The following ACOX3 variants were observed in gnomAD, a reference collection of about 807,000 sequenced individuals.
ACOX3 encodes the protein acyl-CoA oxidase 3, pristanoyl.
Under a neutral mutation model 81.5 loss-of-function variants are expected in ACOX3, and 73 were observed. The ratio of observed to expected loss-of-function variants is 0.90; its 90% CI spans 0.74 to 1.09. The LOEUF (loss-of-function observed/expected upper bound fraction) is 1.09. Ranked by LOEUF, ACOX3 falls within the 50% of genes least tolerant of loss-of-function variation. ACOX3 has a pLI of 0.00. For synonymous variants in ACOX3, 387 were observed against 375.1 expected, an observed-to-expected ratio of 1.03 and a Z score of -0.37; for missense variants, 947 against 928.0, an observed-to-expected ratio of 1.02 and a Z score of -0.27.
At chr4:8,410,975 C>T (rs1457359614) in intron 5 of ACOX3, among the ~76,000 whole-genome samples, 1 of 152,238 alleles carries the variant, frequency 6.6e-6, no homozygotes. Flanking sequence ...GACAGATCCC[C>T]AAGGAACACT....
At chr4:8,424,996 A>G (rs1723319643) in intron 1 of ACOX3, among the ~76,000 whole-genome samples, 2 of 152,226 alleles carry the variant, frequency 1.3e-5, no homozygotes. Context: ...AGGAGAAGGA[A>G]AAAGGGTAAA....
intron 7 of ACOX3, among the ~76,000 whole-genome samples, chr4:8,401,291 G>A (rs1351363014): frequency 6.6e-6 from 1 of 152,166 alleles, no homozygotes; most frequent in African/African-American, 2.4e-5. Context: ...CCTGCCTACA[G>A]AATAGTCTTT....
chr4:8,410,795 C>G (rs116501470), intron 5 of ACOX3, among the ~76,000 whole-genome samples: 3 of 152,188 alleles, frequency 2.0e-5, no homozygotes, highest in East Asian at 3.9e-4. Flanking sequence ...ACTGCTGCCC[C>G]CTTGCTGTCT....
downstream of ACOX3, among the ~76,000 whole-genome samples, chr4:8,365,113 C>T (rs899490): frequency 0.24 from 37,223 of 152,180 alleles, 5,163 homozygotes; most frequent in East Asian, 0.5. Context: ...ACAGCCCACG[C>T]AGGCCCAACT....
chr4:8,438,260 C>G (rs988772834), intron 1 of ACOX3, among the ~76,000 whole-genome samples: 2 of 152,244 alleles, frequency 1.3e-5, no homozygotes, highest in Middle Eastern at 3.4e-3. Context: ...AGACAATAGG[C>G]CAGCATTTGT....
Position 8,439,931 on chromosome 4 carries a change from T to G in ACOX3, c.-15+717A>C, listed in dbSNP as rs573543691. On this transcript the variant is annotated intron_variant, in intron 1 of 17. Transcript: ENST00000356406. ...GAGGAAAAGAGAGAAAGCAAAAAGT[T>G]AGAAAGAAACAAAAGTCAGATAAAT... is the stretch of plus-strand genomic sequence containing the variant. Among the ~76,000 whole-genome samples the G allele has an allele frequency of 8.8e-5, 11 of 125,220 alleles. No homozygotes were observed. In the South Asian group the frequency reaches 3.1e-3, roughly 36 times the overall value. The allele number at this position is 125,220 out of a possible 152,430, so 82.1% of individuals were successfully genotyped here. A position where few individuals can be genotyped will look rare whatever the true frequency, so the allele number is the denominator to read the frequency against.
At chr4:8,363,492 T>C (rs1300973946), downstream of ACOX3, among the ~76,000 whole-genome samples, 1 of 152,180 alleles carries the variant, frequency 6.6e-6, no homozygotes, top group East Asian at 1.9e-4. Context: ...ATGGACCCTA[T>C]TCACCCTGAA....
chr4:8,398,957 C>A lies in ACOX3; in HGVS notation c.873+599G>T, dbSNP rs1480207245. ...CTGGTCTCGTGTTGCTGTTCCCACT[C>A]TGCGCACCCTGTGTGTCTCTGGGCA... On this transcript the variant is annotated intron_variant, in intron 8 of 17. Coordinates refer to ENST00000356406, the MANE Select transcript of ACOX3 (RefSeq NM_003501.3). 1.3e-5 allele frequency among the ~76,000 whole-genome samples: 2 copies of A among 152,182 alleles called. 1 individual carries two copies. Among genetic ancestry groups the A allele is most frequent in the African/African-American group, 4.8e-5 (2 of 41,448 alleles).
chr4:8,438,998 C>CTGAA (rs1193885608), intron 1 of ACOX3: 1 of 152,238 alleles, frequency 6.6e-6, no homozygotes, highest in African/African-American at 2.4e-5. Flanking sequence ...GCACTGGCAG[C>CTGAA]TGAATAGTCT....
Position 8,394,762 on chromosome 4 carries a change from T to C in ACOX3, c.1057-20A>G, listed in dbSNP as rs778564845. 1 of 1,607,058 alleles carries C rather than the reference T, an allele frequency of 6.2e-7. No homozygotes were observed. The highest frequency in any genetic ancestry group is 2.2e-5 in the East Asian group (1 of 44,634). ...CCATTGCTAGAACAGACAAGACACCTGCGTGAACACATCGTGGTTCCCATG... is the reference window on the plus strand; with the variant it reads ...CCATTGCTAGAACAGACAAGACACCCGCGTGAACACATCGTGGTTCCCATG... On this transcript the variant is annotated intron_variant, in intron 9 of 17. Transcript: ENST00000356406. This position sits in a 1 kb window ranked among gnomAD's most constrained non-coding sequence, Gnocchi z 5.9.
chr4:8,402,973 C>G (rs2688224), intron 7 of ACOX3, among the ~76,000 whole-genome samples: 108,168 of 152,132 alleles, frequency 0.71, 39,277 homozygotes, highest in African/African-American at 0.86. Flanking sequence ...AGTTCGGCAG[C>G]CATCCTCCCA....
chr4:8,422,667 T>C (rs1341332258), intron 1 of ACOX3, among the ~76,000 whole-genome samples: 1 of 152,250 alleles, frequency 6.6e-6, no homozygotes, highest in African/African-American at 2.4e-5. Flanking sequence ...GTTGTTAAAG[T>C]ACTGGGTCAT....
chr4:8,403,725 AT>A (rs1286806169), intron 7 of ACOX3, among the ~76,000 whole-genome samples: 1 of 152,222 alleles, frequency 6.6e-6, no homozygotes, highest in Non-Finnish European at 1.5e-5. Flanking sequence ...TTTGAATATT[AT>A]CCCAGTAAGA....
In ACOX3 at chr4:8,430,065, C is replaced by A. The variant is rs960170466; in HGVS notation, c.-15+10583G>T. ...CAAGTTTAAGATGTTGGTAGGACAT[C>A]TGGGTGGGGATACTCAGGTCATGTT... On this transcript the variant is annotated intron_variant, in intron 1 of 17. Transcript: ENST00000356406. This position sits in a 1 kb window ranked among gnomAD's most constrained non-coding sequence, Gnocchi z 5.2. 5.9e-5 allele frequency among the ~76,000 whole-genome samples: 9 copies of A among 152,182 alleles called. No homozygotes were observed. Among genetic ancestry groups the A allele is most frequent in the Non-Finnish European group, 1.2e-4 (8 of 68,046 alleles).
In ACOX3 at chr4:8,386,932, T is replaced by C. The variant is rs889071244; in HGVS notation, c.1537+2241A>G. Among the ~76,000 whole-genome samples, 3 of 152,234 alleles carry C rather than the reference T, an allele frequency of 2.0e-5. No homozygotes were observed. The highest frequency in any genetic ancestry group is 7.2e-5 in the African/African-American group (3 of 41,472). On this transcript the variant is annotated intron_variant, in intron 13 of 17. Coordinates refer to ENST00000356406, the MANE Select transcript of ACOX3 (RefSeq NM_003501.3). This position sits in a 1 kb window ranked among gnomAD's most constrained non-coding sequence, Gnocchi z 5.2. ...ATCACATCCACGGCGTCGGTCCTGATGGCTGGAACGCGTCCTCCATGTGTG... is the reference window on the plus strand; with the variant it reads ...ATCACATCCACGGCGTCGGTCCTGACGGCTGGAACGCGTCCTCCATGTGTG...
Position 8,432,535 on chromosome 4 carries a change from A to AT in ACOX3, c.-15+8112dup, listed in dbSNP as rs905741422. Among the ~76,000 whole-genome samples, 2,932 of 148,618 alleles carry AT rather than the reference A, an allele frequency of 0.02. 97 individuals carry two copies. Among genetic ancestry groups the AT allele is most frequent in the African/African-American group, 0.066 (2,676 of 40,678 alleles). On this transcript the variant is annotated intron_variant, in intron 1 of 17. Coordinates refer to ENST00000356406, the MANE Select transcript of ACOX3 (RefSeq NM_003501.3). This position sits in a 1 kb window ranked among gnomAD's most constrained non-coding sequence, Gnocchi z 6.2. ...GGCGTGAGCCACCGCGCCCGGCCTG[A>AT]TTTTTTTTTTTAATTATAAACCCAA...
intron 8 of ACOX3, among the ~76,000 whole-genome samples, chr4:8,397,714 C>T (rs952101203): frequency 2.0e-5 from 3 of 152,238 alleles, no homozygotes; most frequent in African/African-American, 7.2e-5. Context: ...GCCCTTGCCA[C>T]GTGATCTGAC....
chr4:8,375,143 C>G lies in ACOX3; in HGVS notation c.1663G>C (p.Gly555Arg). 6.5e-7 allele frequency: 1 copy of G among 1,544,564 alleles called. No homozygotes were observed. Among genetic ancestry groups the G allele is most frequent in the Non-Finnish European group, 8.8e-7 (1 of 1,142,230 alleles). ...ACGAAGGCCAGCGCCAACGGACGGC[C>G]GTGGGACACCTGGAACACAGGACGG... ...EARNKCQVSH[G>R]RPLALAFVEL... The change falls in exon 15 of 18, where the codon GGC (glycine) becomes CGC (arginine). Residue 555 changes from glycine to arginine, a missense_variant. Gly to Arg is a moderately radical substitution (Grantham distance 125, BLOSUM62 -2). Coordinates refer to ENST00000356406, the MANE Select transcript of ACOX3 (RefSeq NM_003501.3).
At chr4:8,396,222 C>G (rs1011415786) in intron 9 of ACOX3, among the ~76,000 whole-genome samples, 1 of 152,246 alleles carries the variant, frequency 6.6e-6, no homozygotes, top group African/African-American at 2.4e-5. Context: ...CGCTCAGCTG[C>G]TGCTTCTTCC....
Sources: allele counts gnomAD v4.1 joint callset (sites outside exome capture counted in the v4.1 genomes callset), GRCh38; gene constraint gnomAD v4.1.1; non-coding constraint Gnocchi (gnomAD v3.1); transcripts MANE v1.5; gene names NCBI Gene and HGNC (gene_info 2026-07-23, HGNC 2026-07-21).